SLC6A12: variants seen among roughly 807,000 people sequenced by gnomAD.
SLC6A12 encodes solute carrier family 6 member 12.
In SLC6A12, 50 loss-of-function variants were observed where a neutral mutation model predicts 73.3. The observed-to-expected ratio is 0.68, with a 90% confidence interval of 0.54 to 0.86. The LOEUF (loss-of-function observed/expected upper bound fraction) is 0.86, where lower values mean the gene tolerates loss of function less well. SLC6A12 is among the 40% of genes least tolerant of loss of function. SLC6A12 has a pLI of 0.00. For synonymous variants in SLC6A12, 304 were observed against 309.2 expected, an observed-to-expected ratio of 0.98 and a Z score of 0.18; for missense variants, 648 against 772.8, an observed-to-expected ratio of 0.84 and a Z score of 1.92.
intron 6 of SLC6A12, chr12:201,223 C>G (rs959526049): frequency 2.7e-5 from 5 of 188,352 alleles, no homozygotes; most frequent in Admixed American, 1.1e-4. Context: ...GGCATTGGTG[C>G]CTACGTGGGG....
chr12:187,147 C>T (rs1308779369), downstream of SLC6A12, among the ~76,000 whole-genome samples: 2 of 152,192 alleles, frequency 1.3e-5, no homozygotes, highest in East Asian at 1.9e-4. Context: ...CCACACTGGC[C>T]AAATTGTAGC....
chr12:185,125 C>T (rs1939409006), downstream of SLC6A12, among the ~76,000 whole-genome samples: 1 of 152,186 alleles, frequency 6.6e-6, no homozygotes, highest in African/African-American at 2.4e-5. Flanking sequence ...ATGTAAAACA[C>T]CCTAAAGAAC....
rs1940343647 is a variant in SLC6A12, at chr12:202,732, A to ATGGATACCTGTGTTCCAAAAGT, written c.476_490+7dup. On this transcript the variant is annotated splice_region_variant and intron_variant, in intron 5 of 15. Transcript: ENST00000684302. ...AGGCAACATCCCAGGGGCTGAAATG[A>ATGGATACCTGTGTTCCAAAAGT]TGGATACCTGTGTTCCAAAAGTTGT... 6.2e-7 allele frequency: 1 copy of ATGGATACCTGTGTTCCAAAAGT among 1,611,884 alleles called. No individual in the cohort carries two copies. The highest frequency in any genetic ancestry group is 1.3e-5 in the African/African-American group (1 of 74,790).
chr12:192,567 T>C lies in SLC6A12; in HGVS notation c.1612A>G (p.Ile538Val), dbSNP rs772424014. ...GAGGACAGAGCCAGGAACCAGCCAA[T>C]GGAGTATCCCCAGGGCGGGTACACA... is the stretch of plus-strand genomic sequence containing the variant. ...VYVYPPWGYSIGWFLALSSMV... is the reference protein window; with the variant it reads ...VYVYPPWGYSVGWFLALSSMV... The change falls in exon 15 of 16, where the codon ATT (isoleucine) becomes GTT (valine). Residue 538 changes from isoleucine (I) to valine (V), a missense_variant. By Grantham distance (29) the Ile-to-Val change is conservative (BLOSUM62 3). Coordinates refer to ENST00000684302, the MANE Select transcript of SLC6A12 (RefSeq NM_001122848.3). The C allele has an allele frequency of 2.5e-6, 4 of 1,613,890 alleles. No homozygotes were observed. The highest frequency in any genetic ancestry group is 8.5e-7 in the Non-Finnish European group (1 of 1,179,924).
intron 6 of SLC6A12, chr12:201,497 A>G: frequency 4.3e-6 from 2 of 462,630 alleles, no homozygotes; most frequent in Non-Finnish European, 8.0e-6. Flanking sequence ...CCCACTGGAC[A>G]TGTGTGGGCA....
At chr12:203,065 T>TC (rs1940374073) in intron 4 of SLC6A12, among the ~76,000 whole-genome samples, 185 bp from the exon 5 acceptor site, 1 of 64,842 alleles carries the variant, frequency 1.5e-5, no homozygotes, top group African/African-American at 4.4e-5. Context: ...TTTTCTTTTT[T>TC]TTTTTTTTTT....
In SLC6A12 at chr12:190,960, C is replaced by T; in HGVS notation, c.*108G>A. The T allele has an allele frequency of 9.8e-7, 1 of 1,019,426 alleles. No individual in the cohort carries two copies. Among genetic ancestry groups the T allele is most frequent in the Non-Finnish European group, 1.3e-6 (1 of 788,668 alleles). 63.1% of individuals were successfully genotyped at this position (1,019,426 alleles called of 1,614,324 possible). A position where few individuals can be genotyped will look rare whatever the true frequency, so the allele number is the denominator to read the frequency against. The stretch of plus-strand genomic sequence containing the variant: ...GGGTGCCTGTGGCTCTCCAGAGGTT[C>T]CCAGCAGGATTGTGGCAGGAGACAG... On this transcript the variant is annotated 3_prime_UTR_variant, in exon 16 of 16. Transcript: ENST00000684302.
At chr12:206,839 C>A (rs776659194) in intron 3 of SLC6A12, among the ~76,000 whole-genome samples, 1 of 152,256 alleles carries the variant, frequency 6.6e-6, no homozygotes, top group Non-Finnish European at 1.5e-5. Context: ...CCAGAAGGCA[C>A]TTTACAGGAT....
At chr12:204,235 T>G in intron 4 of SLC6A12, 1 of 304,712 alleles carries the variant, frequency 3.3e-6, no homozygotes, top group Non-Finnish European at 6.3e-6. Context: ...AGCCTGTGAG[T>G]AGAGCCATAG....
At chr12:199,057 A>G (rs1940073356) in intron 7 of SLC6A12, 126 bp from the exon 8 acceptor site, 1 of 841,552 alleles carries the variant, frequency 1.2e-6, no homozygotes, top group African/African-American at 1.7e-5. Context: ...TAGAGGGGCT[A>G]AGCACAAGAA....
At position 192,646 on chromosome 12, in the gene SLC6A12, G is replaced by A. The variant is rs530514022; in HGVS notation, c.1533C>T (p.Ala511=). The change falls in exon 15 of 16, where the codon GCC becomes GCT. Residue 511 remains alanine, a splice_region_variant and synonymous_variant. Coordinates refer to ENST00000684302, the MANE Select transcript of SLC6A12 (RefSeq NM_001122848.3). ...ACTTGCTCAAGGAGAAGAGGAAAGT[G>A]GCCTGGGAGAAGGAAGGGGCAGCCA... ...WLFLTPGLCL[A]TFLFSLSKYT... is the part of the protein sequence containing the mutation. 6.2e-7 allele frequency: 1 copy of A among 1,614,062 alleles called. No homozygotes were observed. The highest frequency in any genetic ancestry group is 1.1e-5 in the South Asian group (1 of 91,078).
intron 7 of SLC6A12, among the ~76,000 whole-genome samples, chr12:200,346 G>A (rs1036609431): frequency 1.3e-5 from 2 of 151,932 alleles, no homozygotes; most frequent in African/African-American, 2.4e-5. Flanking sequence ...CTGACCTCGT[G>A]ATCCGCCAGC....
intron 1 of SLC6A12, among the ~76,000 whole-genome samples, chr12:212,888 G>C (rs987423955): frequency 2.6e-5 from 4 of 151,690 alleles, no homozygotes; most frequent in Admixed American, 1.3e-4. Flanking sequence ...GCTAAGCCGG[G>C]ACAGGGGGGT....
At chr12:209,296 A>C (rs1940803881) in intron 3 of SLC6A12, among the ~76,000 whole-genome samples, 1 of 151,588 alleles carries the variant, frequency 6.6e-6, no homozygotes, top group Admixed American at 6.6e-5. Flanking sequence ...TCACCCCTCC[A>C]CTCATCACCA....
At chr12:194,898 C>T (rs944537500) in intron 13 of SLC6A12, among the ~76,000 whole-genome samples, 7 of 152,202 alleles carry the variant, frequency 4.6e-5, no homozygotes, top group Non-Finnish European at 1.0e-4. Context: ...TGGCAATAAA[C>T]GTCCCTTCTG....
downstream of SLC6A12, among the ~76,000 whole-genome samples, chr12:187,430 T>G (rs1346211671): frequency 6.6e-6 from 1 of 151,546 alleles, no homozygotes; most frequent in Non-Finnish European, 1.5e-5. Flanking sequence ...GTGCTACAAC[T>G]CTGAAGGCGG....
chr12:187,633 AAAC>A (rs796701136), downstream of SLC6A12, among the ~76,000 whole-genome samples: 668 of 43,902 alleles, frequency 0.015, 37 homozygotes, highest in African/African-American at 0.049. Context: ...AAAAAAAAAC[AAAC>A]CACACACACA....
At chr12:192,036 C>T (rs1018301501) in intron 15 of SLC6A12, among the ~76,000 whole-genome samples, 4 of 152,200 alleles carry the variant, frequency 2.6e-5, no homozygotes, top group African/African-American at 9.7e-5. Flanking sequence ...GACAGGGAGC[C>T]TCTTGCGTGT....
rs1405771147 is a variant in SLC6A12, at chr12:200,796, G to A, written c.579-13C>T. ...CAGAACTCGTCTCCTGGAGGATTGG[G>A]AAAAATAAGTAATGAGGGGAAAGGC... On this transcript the variant is annotated splice_polypyrimidine_tract_variant and intron_variant, in intron 6 of 15. Coordinates refer to ENST00000684302, the MANE Select transcript of SLC6A12 (RefSeq NM_001122848.3). 1 of 1,610,860 alleles carries A rather than the reference G, an allele frequency of 6.2e-7. No individual in the cohort carries two copies. The highest frequency in any genetic ancestry group is 8.5e-7 in the Non-Finnish European group (1 of 1,179,154).
Sources: gnomAD v4.1 joint callset for allele counts (sites outside exome capture counted in the v4.1 genomes callset) on GRCh38, gnomAD v4.1.1 for gene constraint, MANE v1.5 for transcripts, NCBI Gene and HGNC (gene_info 2026-07-23, HGNC 2026-07-21) for gene names.